Variants in COL14A1 observed in about 807,000 individuals in gnomAD.
COL14A1 encodes collagen type XIV alpha 1 chain, also known as collagen alpha-1(XIV) chain.
In COL14A1, 136 loss-of-function variants were observed where a neutral mutation model predicts 230.3. The observed-to-expected ratio is 0.59, with a 90% CI of 0.51 to 0.68. COL14A1 has a LOEUF of 0.68. Ranked by LOEUF, COL14A1 falls within the 30% of genes least tolerant of loss-of-function variation. The probability of loss-of-function intolerance (pLI) is 0.00; values close to 1 mark genes in which losing one functional copy is unlikely to be tolerated. For synonymous variants in COL14A1, 792 were observed against 784.1 expected, an observed-to-expected ratio of 1.01 and a Z score of -0.17; for missense variants, 1,976 against 2,215.8, an observed-to-expected ratio of 0.89 and a Z score of 2.17.
At chr8:120,182,507 A>G (rs778685914) in intron 5 of COL14A1, among the ~76,000 whole-genome samples, 2 of 152,200 alleles carry the variant, frequency 1.3e-5, no homozygotes, top group East Asian at 3.9e-4. Context: ...ACCAAAGTAA[A>G]CATACAGCCA....
Position 120,342,586 on chromosome 8 carries a change from A to G in COL14A1, c.4888+140A>G, listed in dbSNP as rs745918600. The G allele has an allele frequency of 7.5e-5, 57 of 760,128 alleles. 2 individuals are homozygous for G. The highest frequency in any genetic ancestry group is 1.1e-4 in the Non-Finnish European group (48 of 454,248). 47.1% of individuals were successfully genotyped at this position (760,128 alleles called of 1,614,324 possible). A position where few individuals can be genotyped will look rare whatever the true frequency, so the allele number is the denominator to read the frequency against. On this transcript the variant is annotated intron_variant, in intron 44 of 47. Transcript: ENST00000297848. ...AGACACATAAGCTTTACAGATGACC[A>G]TCACTGACCCATCAAAGAGATCACT...
intron 34 of COL14A1, among the ~76,000 whole-genome samples, chr8:120,291,404 A>G (rs1820369249): frequency 6.6e-6 from 1 of 151,942 alleles, no homozygotes; most frequent in Non-Finnish European, 1.5e-5. Flanking sequence ...TACTAAAAAT[A>G]CAAAAAATTA....
At chr8:120,309,912 A>C (rs1820975796) in intron 36 of COL14A1, 97 bp from the exon 37 acceptor site, 1 of 1,219,094 alleles carries the variant, frequency 8.2e-7, no homozygotes, top group Non-Finnish European at 1.2e-6. Flanking sequence ...CCTTTACATA[A>C]AATAATAATG....
At chr8:120,175,863 G>T (rs982695797) in intron 5 of COL14A1, among the ~76,000 whole-genome samples, 5 of 152,046 alleles carry the variant, frequency 3.3e-5, no homozygotes, top group African/African-American at 1.2e-4. Flanking sequence ...GTTCTATTTT[G>T]CTATTTCATA....
At chr8:120,267,361 A>G (rs1237254942) in intron 25 of COL14A1, among the ~76,000 whole-genome samples, 1 of 151,980 alleles carries the variant, frequency 6.6e-6, no homozygotes, top group Non-Finnish European at 1.5e-5. Context: ...AATAATGAAC[A>G]TTTATTAATC....
At chr8:120,298,009 A>G (rs1820579845) in intron 35 of COL14A1, among the ~76,000 whole-genome samples, 1 of 152,044 alleles carries the variant, frequency 6.6e-6, no homozygotes, top group African/African-American at 2.4e-5. Context: ...GAAAAAAGTG[A>G]TATTTATATT....
At chr8:120,290,718 T>C (rs1480997421) in intron 34 of COL14A1, among the ~76,000 whole-genome samples, 1 of 152,220 alleles carries the variant, frequency 6.6e-6, no homozygotes, top group Admixed American at 6.5e-5. Flanking sequence ...CCCATGGTTC[T>C]AATTCCACTA....
At position 120,276,123 on chromosome 8, in the gene COL14A1, T is replaced by A. The variant is rs188686887; in HGVS notation, c.3214-1988T>A. On this transcript the variant is annotated intron_variant, in intron 26 of 47. Coordinates refer to ENST00000297848, the MANE Select transcript of COL14A1 (RefSeq NM_021110.4). ...GAGTAAAGACAATGTTATATATATA[T>A]GTAAAAAAATATATTATATATATAT... Among the ~76,000 whole-genome samples, 286 of 150,938 alleles carry A rather than the reference T, an allele frequency of 1.9e-3. 3 individuals are homozygous for A. The highest frequency in any genetic ancestry group is 4.8e-4 in the African/African-American group (20 of 41,248).
intron 2 of COL14A1, among the ~76,000 whole-genome samples, chr8:120,152,929 G>A (rs1815338681): frequency 6.6e-6 from 1 of 152,158 alleles, no homozygotes; most frequent in Non-Finnish European, 1.5e-5. Context: ...AGACCTCTGT[G>A]TTCACACGTT....
chr8:120,210,227 C>T (rs922338013), intron 12 of COL14A1, among the ~76,000 whole-genome samples: 5 of 152,106 alleles, frequency 3.3e-5, no homozygotes, highest in African/African-American at 1.2e-4. Flanking sequence ...TTGGTTTGAA[C>T]AGATCATGTT....
At chr8:120,231,769 C>T in intron 19 of COL14A1, 151 bp downstream of exon 19, 2 of 775,924 alleles carry the variant, frequency 2.6e-6, no homozygotes, top group Non-Finnish European at 1.9e-6. Flanking sequence ...TCTGACTCCA[C>T]TACTGGCTTC....
intron 5 of COL14A1, among the ~76,000 whole-genome samples, chr8:120,192,322 T>C (rs888220283): frequency 6.6e-6 from 1 of 152,182 alleles, no homozygotes; most frequent in Non-Finnish European, 1.5e-5. Context: ...TTTGGCTGGA[T>C]ATGAAATTCT....
rs1819520474 is a variant in COL14A1 at position 120,266,993 on chromosome 8, C to T, written c.3073+110C>T. ...TTAATAAAGTATATTTATTGTGCTA[C>T]CTAATTTTCTCCTTAATACAAATGC... is the stretch of plus-strand genomic sequence containing the variant. On this transcript the variant is annotated intron_variant, in intron 25 of 47. Transcript: ENST00000297848. 6 of 946,494 alleles carry T rather than the reference C, an allele frequency of 6.3e-6. No homozygotes were observed. In the South Asian group the frequency reaches 8.7e-5, roughly 14 times the overall value. 58.6% of individuals were successfully genotyped at this position (946,494 alleles called of 1,614,324 possible).
chr8:120,264,120 A>G (rs2129777395), intron 24 of COL14A1, among the ~76,000 whole-genome samples: 1 of 152,200 alleles, frequency 6.6e-6, no homozygotes, highest in African/African-American at 2.4e-5. Flanking sequence ...TTTGAAGTCG[A>G]TCTCCTTTCC....
intron 23 of COL14A1, among the ~76,000 whole-genome samples, chr8:120,258,058 C>T (rs573003835): frequency 6.6e-6 from 1 of 152,238 alleles, no homozygotes; most frequent in Non-Finnish European, 1.5e-5. Context: ...AGAATAGCCA[C>T]GTTGTATCAT....
intron 43 of COL14A1, 133 bp from the exon 44 acceptor site, chr8:120,342,247 C>T (rs942103299): frequency 8.6e-6 from 7 of 816,200 alleles, no homozygotes; most frequent in Non-Finnish European, 1.4e-5. Flanking sequence ...CCGTGGTGGT[C>T]AAACCCACCT....
intron 19 of COL14A1, among the ~76,000 whole-genome samples, chr8:120,242,256 A>G (rs1367829930): frequency 6.6e-6 from 1 of 152,226 alleles, no homozygotes; most frequent in Non-Finnish European, 1.5e-5. Flanking sequence ...CTGTATTAGA[A>G]TGCTTACAGC....
chr8:120,292,215 T>C (rs1018599476), intron 34 of COL14A1, among the ~76,000 whole-genome samples: 2 of 152,160 alleles, frequency 1.3e-5, no homozygotes, highest in African/African-American at 4.8e-5. Context: ...TCAACTAATT[T>C]CTTTCTGAAA....
At chr8:120,246,172 G>C (rs183361570) in intron 20 of COL14A1, among the ~76,000 whole-genome samples, 40 of 152,200 alleles carry the variant, frequency 2.6e-4, no homozygotes, top group African/African-American at 9.2e-4. Flanking sequence ...GCTCAGCTGG[G>C]CAAATAGGTA....
Sources: gnomAD v4.1 joint callset for allele counts (sites outside exome capture counted in the v4.1 genomes callset) on GRCh38, gnomAD v4.1.1 for gene constraint, MANE v1.5 for transcripts, NCBI Gene and HGNC (gene_info 2026-07-23, HGNC 2026-07-21) for gene names.